The following CBFA2T2 variants were observed in gnomAD, a reference collection of about 807,000 sequenced individuals.
CBFA2T2 encodes CBFA2/RUNX1 partner transcriptional co-repressor 2.
CBFA2T2 carries 11 observed loss-of-function variants against 62.2 expected under a neutral mutation model. That is an observed-to-expected ratio of 0.18 (90% confidence interval 0.11 to 0.29). The LOEUF (loss-of-function observed/expected upper bound fraction) is 0.29, where lower values mean the gene tolerates loss of function less well. Ranked by LOEUF, CBFA2T2 falls within the 10% of genes least tolerant of loss-of-function variation. The pLI is 1.00. For synonymous variants in CBFA2T2, 295 were observed against 287.5 expected (o/e 1.03, Z -0.27); for missense variants, 592 against 774.1 (o/e 0.76, Z 2.79).
chr20:33,588,982 G>A (rs1568836824), intron 1 of CBFA2T2, among the ~76,000 whole-genome samples: 1 of 150,840 alleles, frequency 6.6e-6, no homozygotes. Context: ...CTGAAAGGAG[G>A]AAAAAAAACC....
intron 5 of CBFA2T2, among the ~76,000 whole-genome samples, 158 bp from the exon 6 acceptor site, chr20:33,624,606 A>C (rs1246090218): frequency 6.6e-6 from 1 of 152,162 alleles, no homozygotes; most frequent in Non-Finnish European, 1.5e-5. Flanking sequence ...CTGGCCCTTG[A>C]AGACAATTCA....
intron 1 of CBFA2T2, among the ~76,000 whole-genome samples, chr20:33,526,246 A>G (rs2011883209): frequency 6.6e-6 from 1 of 152,184 alleles, no homozygotes; most frequent in Non-Finnish European, 1.5e-5. Flanking sequence ...ACCCAAAACT[A>G]CTGTATCCCT....
intron 1 of CBFA2T2, among the ~76,000 whole-genome samples, chr20:33,555,432 G>A (rs1472988885): frequency 2.6e-5 from 4 of 152,062 alleles, no homozygotes; most frequent in Non-Finnish European, 4.4e-5. Context: ...GATGGGACTT[G>A]TTTTCTGTTT....
intron 1 of CBFA2T2, among the ~76,000 whole-genome samples, chr20:33,535,805 A>AG (rs1385855504): frequency 2.0e-5 from 3 of 151,990 alleles, no homozygotes; most frequent in African/African-American, 7.2e-5. Context: ...TCCTAGGCAG[A>AG]GGACCCTGCG....
chr20:33,556,031 A>G (rs1487831650), intron 1 of CBFA2T2, among the ~76,000 whole-genome samples: 1 of 152,122 alleles, frequency 6.6e-6, no homozygotes, highest in African/African-American at 2.4e-5. Flanking sequence ...ATGCCTGGCT[A>G]ATTTTTTTTA....
chr20:33,527,847 T>G (rs1250402168), intron 1 of CBFA2T2, among the ~76,000 whole-genome samples: 1 of 152,058 alleles, frequency 6.6e-6, no homozygotes, highest in Non-Finnish European at 1.5e-5. Context: ...CCCAGCCTGA[T>G]TTGTATATAT....
rs542166454 is a variant in CBFA2T2 at position 33,611,804 on chromosome 20, A to G, written c.420+469A>G. ...TGCTGGGATTATAAGCATGATGTTT[A>G]ATTGTAGATTTTATGTCAGTGCTTA... On this transcript the variant is annotated intron_variant, in intron 3 of 10. Transcript: ENST00000342704. Among the ~76,000 whole-genome samples the G allele has an allele frequency of 3.2e-4, 48 of 152,242 alleles. No homozygotes were observed. In the South Asian group the frequency reaches 9.1e-3, roughly 29 times the overall value.
intron 1 of CBFA2T2, among the ~76,000 whole-genome samples, chr20:33,500,088 A>G (rs1438162965): frequency 6.6e-6 from 1 of 151,850 alleles, no homozygotes; most frequent in African/African-American, 2.4e-5. Context: ...CTCCTGAGCA[A>G]CTGGGACTAC....
At chr20:33,605,716 C>T (rs2015317298) in intron 1 of CBFA2T2, among the ~76,000 whole-genome samples, 1 of 152,170 alleles carries the variant, frequency 6.6e-6, no homozygotes, top group African/African-American at 2.4e-5. Flanking sequence ...CAATGTATAG[C>T]ATGAATGACA....
intron 1 of CBFA2T2, among the ~76,000 whole-genome samples, chr20:33,516,922 C>T (rs1167640333): frequency 6.6e-6 from 1 of 152,198 alleles, no homozygotes; most frequent in African/African-American, 2.4e-5. Context: ...TGCCTTGGAA[C>T]AGATTTTATG....
chr20:33,620,060 C>T (rs1188702289), intron 4 of CBFA2T2, among the ~76,000 whole-genome samples: 1 of 152,104 alleles, frequency 6.6e-6, no homozygotes, highest in East Asian at 1.9e-4. Flanking sequence ...TGTGTCTCCC[C>T]GAACCCCAGA....
chr20:33,558,467 A>G (rs994933237), intron 1 of CBFA2T2, among the ~76,000 whole-genome samples: 1 of 151,966 alleles, frequency 6.6e-6, no homozygotes, highest in African/African-American at 2.4e-5. Flanking sequence ...TTCTGCTCCT[A>G]ACTCCCTCCA....
intron 1 of CBFA2T2, among the ~76,000 whole-genome samples, chr20:33,495,328 G>A (rs751455902): frequency 2.7e-5 from 4 of 149,192 alleles, no homozygotes; most frequent in East Asian, 2.0e-4. Context: ...AGAGGTGGCC[G>A]TGAGCTGAGA....
chr20:33,619,452 A>G, intron 3 of CBFA2T2, 65 bp from the exon 4 acceptor site: 1 of 728,354 alleles, frequency 1.4e-6, no homozygotes. Flanking sequence ...AAAAAAGAAG[A>G]GTTTGGCACT....
chr20:33,526,425 A>C (rs995960362), intron 1 of CBFA2T2, among the ~76,000 whole-genome samples: 2 of 152,194 alleles, frequency 1.3e-5, no homozygotes, highest in African/African-American at 4.8e-5. Context: ...TTGCTAGTTC[A>C]ACGTTTGTAG....
chr20:33,579,576 GGAGT>G (rs1343398003), intron 1 of CBFA2T2, among the ~76,000 whole-genome samples: 2 of 134,106 alleles, frequency 1.5e-5, no homozygotes, highest in Non-Finnish European at 3.2e-5. Context: ...TTTTTTGTAT[GGAGT>G]GAGAGAGGAT....
At chr20:33,491,726 G>A (rs972375247) in intron 1 of CBFA2T2, among the ~76,000 whole-genome samples, 2 of 151,566 alleles carry the variant, frequency 1.3e-5, no homozygotes, top group African/African-American at 4.8e-5. Flanking sequence ...TTTTGAGACG[G>A]AATCTTGCTC....
intron 1 of CBFA2T2, among the ~76,000 whole-genome samples, chr20:33,587,116 G>A (rs915682016): frequency 1.3e-5 from 2 of 150,902 alleles, no homozygotes; most frequent in African/African-American, 2.4e-5. Context: ...GAATTCGATG[G>A]CATCTTTTTT....
chr20:33,537,515 G>GT (rs748461892), intron 1 of CBFA2T2, among the ~76,000 whole-genome samples: 3 of 152,202 alleles, frequency 2.0e-5, no homozygotes, highest in African/African-American at 2.4e-5. Flanking sequence ...CGTGGTGAGA[G>GT]TGAGAGGGAG....
Sources: allele counts gnomAD v4.1 joint callset (sites outside exome capture counted in the v4.1 genomes callset), GRCh38; gene constraint gnomAD v4.1.1; transcripts MANE v1.5; gene names NCBI Gene and HGNC (gene_info 2026-07-23, HGNC 2026-07-21).